Variants in MAVS observed in about 807,000 individuals in gnomAD.
MAVS encodes the protein mitochondrial antiviral signaling protein.
Under a neutral mutation model 30.2 loss-of-function variants are expected in MAVS, and 20 were observed. That is an observed-to-expected ratio of 0.66 (90% CI 0.47 to 0.96). The LOEUF (loss-of-function observed/expected upper bound fraction) is 0.96. Among genes scored for constraint, MAVS ranks in the 40% least tolerant of loss-of-function variants. The pLI is 0.00. For synonymous variants in MAVS, 278 were observed against 293.9 expected (o/e 0.95, Z 0.55); for missense variants, 624 against 701.1 (o/e 0.89, Z 1.24).
chr20:3,861,027 C>G (rs1227802607), intron 3 of MAVS, among the ~76,000 whole-genome samples: 3 of 145,798 alleles, frequency 2.1e-5, no homozygotes, highest in South Asian at 4.4e-4. Flanking sequence ...GAGTCTCGCT[C>G]TGTCGCCCAG....
In MAVS at chr20:3,864,410, C is replaced by A. The variant is rs1224691738; in HGVS notation, c.780C>A (p.Gly260=). 3 of 1,614,074 alleles carry A rather than the reference C, an allele frequency of 1.9e-6. No individual in the cohort carries two copies. In the African/African-American group the frequency reaches 4.0e-5, roughly 22 times the overall value. ...CCTCCTTCTCCTCCTCATCCCCTGG[C>A]TTGGCCTCTGCAGGGGCTGCAGAGG... ...TGTSFSSSSP[G]LASAGAAEGK... The change falls in exon 6 of 7, where the codon GGC becomes GGA. Residue 260 remains glycine, a synonymous_variant. Transcript: ENST00000428216.
At position 3,874,151 on chromosome 20, in the gene MAVS, CAA is replaced by C. The variant is rs887184923; in HGVS notation, c.*8007_*8008del. 31 of 398,586 alleles carry C rather than the reference CAA, an allele frequency of 7.8e-5. 1 individual carries two copies. The highest frequency in any genetic ancestry group is 6.3e-4 in the Middle Eastern group (1 of 1,588). The allele number at this position is 398,586 out of a possible 1,614,324, so 24.7% of individuals were successfully genotyped here. A position where few individuals can be genotyped will look rare whatever the true frequency, so the allele number is the denominator to read the frequency against. ...TAAATTTCACAGACATGAGGTCAAGCAAAAGAGGTCAGAGTCCTCATCATCAA... is the reference window on the plus strand; with the variant it reads ...TAAATTTCACAGACATGAGGTCAAGCAAGAGGTCAGAGTCCTCATCATCAA... On this transcript the variant is annotated 3_prime_UTR_variant, in exon 7 of 7. Transcript: ENST00000428216.
rs145892135 is a variant in MAVS at position 3,849,354 on chromosome 20, C to T, written c.-68+2451C>T. On this transcript the variant is annotated intron_variant, in intron 1 of 6. Transcript: ENST00000428216. ...CCTCCCGAGTAGCTGGGATTACAGG[C>T]GCCCACCACCATGCTAATTTTTGTA... Among the ~76,000 whole-genome samples, 181 of 152,116 alleles carry T rather than the reference C, an allele frequency of 1.2e-3. 1 individual carries two copies. The highest frequency in any genetic ancestry group is 4.0e-3 in the African/African-American group (168 of 41,496).
intron 3 of MAVS, among the ~76,000 whole-genome samples, chr20:3,859,911 G>A (rs1197693811): frequency 6.6e-6 from 1 of 151,868 alleles, no homozygotes; most frequent in East Asian, 2.0e-4. Context: ...CCGCCTCCCG[G>A]GTTCACGCCA....
intron 1 of MAVS, among the ~76,000 whole-genome samples, chr20:3,852,834 A>ATTTTTT (rs57163061): frequency 3.7e-5 from 4 of 107,484 alleles, no homozygotes; most frequent in Middle Eastern, 5.3e-3. Context: ...ATTCTGCAGA[A>ATTTTTT]TTTTTTTTTT....
In MAVS at chr20:3,866,198, C is replaced by T. The variant is rs1045752949; in HGVS notation, c.*51C>T. 8.2e-6 allele frequency: 12 copies of T among 1,464,338 alleles called. No homozygotes were observed. The highest frequency in any genetic ancestry group is 2.3e-5 in the East Asian group (1 of 43,394). 90.7% of individuals were successfully genotyped at this position (1,464,338 alleles called of 1,614,324 possible). A position where few individuals can be genotyped will look rare whatever the true frequency, so the allele number is the denominator to read the frequency against. On this transcript the variant is annotated 3_prime_UTR_variant, in exon 7 of 7. Coordinates refer to ENST00000428216, the MANE Select transcript of MAVS (RefSeq NM_020746.5). ...CCATCTGTTCCGTTCCTGCAGTACA[C>T]CTGGCCCCTCTCCGAAGCCCCTTGT...
At chr20:3,856,877 T>C (rs6133066) in intron 2 of MAVS, among the ~76,000 whole-genome samples, 30 of 151,578 alleles carry the variant, frequency 2.0e-4, no homozygotes, top group Non-Finnish European at 3.5e-4. Flanking sequence ...CTACTAAAAA[T>C]ACAAAAAAAT....
intron 2 of MAVS, among the ~76,000 whole-genome samples, chr20:3,855,924 G>A (rs369988862): frequency 6.7e-4 from 102 of 151,914 alleles, no homozygotes; most frequent in Non-Finnish European, 1.2e-3. Flanking sequence ...GGTTACAGGC[G>A]CATGCCACCA....
intron 5 of MAVS, among the ~76,000 whole-genome samples, chr20:3,863,068 T>C (rs931918519): frequency 6.6e-6 from 1 of 152,148 alleles, no homozygotes; most frequent in Non-Finnish European, 1.5e-5. Context: ...CCAGGGCCTA[T>C]AGGGCAGTGG....
intron 1 of MAVS, among the ~76,000 whole-genome samples, chr20:3,853,642 A>G (rs752019308): frequency 6.6e-6 from 1 of 152,038 alleles, no homozygotes; most frequent in East Asian, 1.9e-4. Flanking sequence ...AAAAATAAAA[A>G]AATTAGCTGG....
rs145424234 is a variant in MAVS, at chr20:3,853,761, C to A, written c.-67-797C>A. ...GTGAACTATTATTGCACCACTGCACCCAACTTGGGTGACAGAGACCCCATC... is the reference window on the plus strand; with the variant it reads ...GTGAACTATTATTGCACCACTGCACACAACTTGGGTGACAGAGACCCCATC... On this transcript the variant is annotated intron_variant, in intron 1 of 6. Transcript: ENST00000428216. 2.0e-3 allele frequency among the ~76,000 whole-genome samples: 311 copies of A among 152,102 alleles called. 2 individuals carry two copies. Among genetic ancestry groups the A allele is most frequent in the African/African-American group, 7.0e-3 (290 of 41,512 alleles).
intron 3 of MAVS, among the ~76,000 whole-genome samples, chr20:3,859,164 C>CT (rs1312160714): frequency 4.0e-5 from 6 of 151,452 alleles, no homozygotes; most frequent in Middle Eastern, 3.4e-3. Context: ...CTCTTCCTTC[C>CT]TTTTTTTCCT....
rs576452916 is a variant in MAVS, at chr20:3,869,687, C to T, written c.*3540C>T. On this transcript the variant is annotated 3_prime_UTR_variant, in exon 7 of 7. Transcript: ENST00000428216. ...TGGCATGATCTCAGCTCACTGCAAC[C>T]TCCGCCTCCCGGGTTCAAGCAATTC... is the stretch of plus-strand genomic sequence containing the variant. 1 of 152,158 alleles carries T rather than the reference C, an allele frequency of 6.6e-6. No individual in the cohort carries two copies. Among genetic ancestry groups the T allele is most frequent in the East Asian group, 1.9e-4 (1 of 5,146 alleles). 9.4% of individuals were successfully genotyped at this position (152,158 alleles called of 1,614,324 possible).
chr20:3,848,287 CG>C (rs1555779407), intron 1 of MAVS, among the ~76,000 whole-genome samples: 1 of 152,004 alleles, frequency 6.6e-6, no homozygotes, highest in Non-Finnish European at 1.5e-5. Context: ...TTAGTAGAGA[CG>C]GGGTTTCACC....
At chr20:3,860,842 A>T (rs2089860494) in intron 3 of MAVS, among the ~76,000 whole-genome samples, 1 of 151,190 alleles carries the variant, frequency 6.6e-6, no homozygotes, top group Non-Finnish European at 1.5e-5. Flanking sequence ...ACGCCTGGCT[A>T]ATTTTTGTAT....
chr20:3,860,376 T>C (rs1208399792), intron 3 of MAVS, among the ~76,000 whole-genome samples: 1 of 148,662 alleles, frequency 6.7e-6, no homozygotes, highest in African/African-American at 2.5e-5. Flanking sequence ...TCCTTCTATT[T>C]TTTTTTTTTT....
rs2089962728 is a variant in MAVS, at chr20:3,872,481, T to C, written c.*6334T>C. Reference sequence around the variant, plus strand: ...TTCACACCAACACATCTCTGCCCAGTGTGCCAACATCTGCCACCTGCTATA... The same window carrying C: ...TTCACACCAACACATCTCTGCCCAGCGTGCCAACATCTGCCACCTGCTATA... On this transcript the variant is annotated 3_prime_UTR_variant, in exon 7 of 7. Transcript: ENST00000428216. 1 of 152,360 alleles carries C rather than the reference T, an allele frequency of 6.6e-6. No homozygotes were observed. Among genetic ancestry groups the C allele is most frequent in the South Asian group, 2.1e-4 (1 of 4,834 alleles). The allele number at this position is 152,360 out of a possible 1,614,324, so 9.4% of individuals were successfully genotyped here.
chr20:3,859,784 C>T (rs984330575), intron 3 of MAVS, among the ~76,000 whole-genome samples: 1 of 151,984 alleles, frequency 6.6e-6, no homozygotes, highest in Non-Finnish European at 1.5e-5. Context: ...TGCTCTCACC[C>T]TCCCACTCCT....
At chr20:3,859,664 C>T (rs2089847586) in intron 3 of MAVS, among the ~76,000 whole-genome samples, 1 of 151,914 alleles carries the variant, frequency 6.6e-6, no homozygotes, top group African/African-American at 2.4e-5. Flanking sequence ...CCACTGGGTC[C>T]TAGGATGCCT....
Sources: gnomAD v4.1 joint callset for allele counts (sites outside exome capture counted in the v4.1 genomes callset) on GRCh38, gnomAD v4.1.1 for gene constraint, MANE v1.5 for transcripts, NCBI Gene and HGNC (gene_info 2026-07-23, HGNC 2026-07-21) for gene names.